MYO1E: variants seen among roughly 807,000 people sequenced by gnomAD.
MYO1E encodes the protein myosin IE, also known as unconventional myosin-Ie.
A neutral mutation model predicts 151.1 loss-of-function variants in MYO1E; 68 were observed. The observed-to-expected ratio is 0.45, with a 90% CI of 0.37 to 0.55. The LOEUF (loss-of-function observed/expected upper bound fraction) is 0.55, where lower values mean the gene tolerates loss of function less well. Among genes scored for constraint, MYO1E ranks in the 20% least tolerant of loss-of-function variants. The pLI, the probability that MYO1E is intolerant of heterozygous loss-of-function variation, is 0.00. For missense variants in MYO1E, 1,363 were observed against 1,389.3 expected, an observed-to-expected ratio of 0.98 and a Z score of 0.30; for synonymous variants, 601 against 501.7, an observed-to-expected ratio of 1.20 and a Z score of -2.64.
intron 1 of MYO1E, among the ~76,000 whole-genome samples, chr15:59,335,745 A>T (rs1338163145): frequency 6.6e-6 from 1 of 152,164 alleles, no homozygotes; most frequent in Non-Finnish European, 1.5e-5. Context: ...CAATTAACTT[A>T]GTCCGGCATT....
intron 4 of MYO1E, among the ~76,000 whole-genome samples, chr15:59,238,964 GGGAGGCCAAGGT>G (rs1164518453): frequency 6.6e-6 from 1 of 151,118 alleles, no homozygotes; most frequent in Non-Finnish European, 1.5e-5. Flanking sequence ...CTAGCACTTT[GGGAGGCCAAGGT>G]GGACGGATCA....
chr15:59,169,270 G>T (rs2140314537), intron 22 of MYO1E, among the ~76,000 whole-genome samples: 1 of 152,336 alleles, frequency 6.6e-6, no homozygotes, highest in African/African-American at 2.4e-5. Context: ...AACACATACA[G>T]ATGTTGCAGC....
intron 16 of MYO1E, among the ~76,000 whole-genome samples, chr15:59,196,985 A>AATTTTTTTT (rs1566976061): frequency 2.9e-5 from 1 of 34,264 alleles, no homozygotes; most frequent in African/African-American, 6.4e-5. Context: ...TTTAATTACG[A>AATTTTTTTT]CTTTTTTTTT....
intron 16 of MYO1E, among the ~76,000 whole-genome samples, chr15:59,198,752 G>A (rs2079783374): frequency 6.6e-6 from 1 of 151,868 alleles, no homozygotes; most frequent in South Asian, 2.1e-4. Context: ...CTGGGAGGCA[G>A]AGGTTGCAGT....
chr15:59,180,228 T>G (rs2079650108), intron 18 of MYO1E, among the ~76,000 whole-genome samples: 2 of 152,202 alleles, frequency 1.3e-5, no homozygotes, highest in Admixed American at 1.3e-4. Flanking sequence ...CATTCATATA[T>G]GTTATAAGGA....
chr15:59,262,281 T>G (rs2080228642), intron 2 of MYO1E, among the ~76,000 whole-genome samples: 3 of 152,072 alleles, frequency 2.0e-5, no homozygotes, highest in Admixed American at 2.0e-4. Flanking sequence ...CTAACAGCTC[T>G]GTTCTCCAGA....
intron 4 of MYO1E, among the ~76,000 whole-genome samples, chr15:59,248,735 G>A (rs1222087066): frequency 6.6e-6 from 1 of 152,138 alleles, no homozygotes; most frequent in Admixed American, 6.5e-5. Flanking sequence ...TTTTCTCCAA[G>A]TAAAAAGACT....
chr15:59,158,409 G>C (rs2079520326), intron 24 of MYO1E, 30 bp from the exon 25 acceptor site: 5 of 1,518,564 alleles, frequency 3.3e-6, no homozygotes, highest in East Asian at 2.4e-5. Flanking sequence ...GTTAAAACCA[G>C]TGCTACTGGT....
At chr15:59,166,988 C>T (rs1294959529) in intron 22 of MYO1E, among the ~76,000 whole-genome samples, 1 of 152,170 alleles carries the variant, frequency 6.6e-6, no homozygotes, top group Non-Finnish European at 1.5e-5. Context: ...CCTCATCCAC[C>T]TTCGAATACC....
chr15:59,152,137 G>A (rs1646535613), intron 26 of MYO1E, among the ~76,000 whole-genome samples: 1 of 152,086 alleles, frequency 6.6e-6, no homozygotes, highest in Admixed American at 6.6e-5. Flanking sequence ...GCTGAGGCAG[G>A]AGAATCACTT....
chr15:59,182,333 C>T (rs1190327242), intron 18 of MYO1E, among the ~76,000 whole-genome samples: 1 of 152,156 alleles, frequency 6.6e-6, no homozygotes, highest in East Asian at 1.9e-4. Flanking sequence ...CTGCCTCAGC[C>T]TTCTGAGTAG....
intron 1 of MYO1E, among the ~76,000 whole-genome samples, chr15:59,370,109 C>A (rs1316307440): frequency 1.3e-5 from 2 of 152,216 alleles, no homozygotes; most frequent in African/African-American, 4.8e-5. Context: ...CTGCGCCTGG[C>A]CGCCAAGGGC....
At chr15:59,182,445 T>G (rs1354048973) in intron 18 of MYO1E, among the ~76,000 whole-genome samples, 12 of 152,178 alleles carry the variant, frequency 7.9e-5, no homozygotes, top group African/African-American at 2.7e-4. Context: ...ACTCCTGATC[T>G]GAGGTGATCT....
chr15:59,320,395 G>A (rs1248958845), intron 1 of MYO1E, among the ~76,000 whole-genome samples: 1 of 152,074 alleles, frequency 6.6e-6, no homozygotes, highest in Non-Finnish European at 1.5e-5. Flanking sequence ...TAAAGCCAGA[G>A]ACATCACATT....
At chr15:59,337,586 T>C (rs534488775) in intron 1 of MYO1E, among the ~76,000 whole-genome samples, 1 of 152,328 alleles carries the variant, frequency 6.6e-6, no homozygotes, top group East Asian at 1.9e-4. Flanking sequence ...ATCCCAGCAC[T>C]TTGGGCAGCC....
At chr15:59,311,796 A>C (rs968884282) in intron 1 of MYO1E, among the ~76,000 whole-genome samples, 2 of 152,194 alleles carry the variant, frequency 1.3e-5, no homozygotes, top group Admixed American at 1.3e-4. Flanking sequence ...CCTCATAAAT[A>C]AATGGATGCT....
rs1375850140 is a variant in MYO1E, at chr15:59,224,087, T to C, written c.777+602A>G. Among the ~76,000 whole-genome samples, 6 of 152,190 alleles carry C rather than the reference T, an allele frequency of 3.9e-5. No homozygotes were observed. The East Asian group carries it at 7.7e-4, about 20-fold the overall frequency. On this transcript the variant is annotated intron_variant, in intron 8 of 27. Transcript: ENST00000288235. ...GGGCAGTGGGTGGCAATGAAGGCCT[T>C]TGAGGCCAAGTGGGTGTTCAGCCTA...
At chr15:59,140,997 A>T (rs1414279016) in intron 26 of MYO1E, among the ~76,000 whole-genome samples, 1 of 152,214 alleles carries the variant, frequency 6.6e-6, no homozygotes, top group Non-Finnish European at 1.5e-5. Flanking sequence ...TCCCTGTTCA[A>T]GAAGTGCTTG....
intron 12 of MYO1E, among the ~76,000 whole-genome samples, chr15:59,210,911 T>G (rs1485485169): frequency 6.6e-6 from 1 of 151,980 alleles, no homozygotes; most frequent in East Asian, 1.9e-4. Flanking sequence ...CTCTTAAAAT[T>G]TAACATAGGA....
Sources: gnomAD v4.1 joint callset for allele counts (sites outside exome capture counted in the v4.1 genomes callset) on GRCh38, gnomAD v4.1.1 for gene constraint, MANE v1.5 for transcripts, NCBI Gene and HGNC (gene_info 2026-07-23, HGNC 2026-07-21) for gene names.